Variants in RSPO2 observed in about 807,000 individuals in gnomAD.
RSPO2 encodes the protein R-spondin-2.
Under a neutral mutation model 30.9 loss-of-function variants are expected in RSPO2, and 14 were observed. The observed-to-expected ratio is 0.45, with a 90% CI of 0.30 to 0.71. RSPO2 has a LOEUF of 0.71. Among genes scored for constraint, RSPO2 ranks in the 30% least tolerant of loss-of-function variants. The probability of loss-of-function intolerance (pLI) is 0.08; values close to 1 mark genes in which losing one functional copy is unlikely to be tolerated. For synonymous variants in RSPO2, 107 were observed against 96.4 expected (o/e 1.11, Z -0.64); for missense variants, 264 against 301.9 (o/e 0.87, Z 0.93).
chr8:108,040,748 G>A (rs1220100076), intron 2 of RSPO2, among the ~76,000 whole-genome samples: 3 of 152,118 alleles, frequency 2.0e-5, no homozygotes, highest in Admixed American at 1.3e-4. Flanking sequence ...CAATAATCAT[G>A]GCTAAAATAT....
intron 3 of RSPO2, among the ~76,000 whole-genome samples, chr8:107,979,855 A>G (rs552797686): frequency 6.6e-6 from 1 of 152,226 alleles, no homozygotes; most frequent in East Asian, 1.9e-4. Flanking sequence ...GATTACAGCA[A>G]CAGCTTCCTA....
intron 5 of RSPO2, among the ~76,000 whole-genome samples, chr8:107,918,485 A>C (rs138743782): frequency 5.1e-4 from 77 of 152,246 alleles, no homozygotes; most frequent in African/African-American, 1.8e-3. Context: ...ATCTGGCCTC[A>C]TATCTTGTCT....
At chr8:107,935,300 G>GAT (rs1490759057) in intron 5 of RSPO2, among the ~76,000 whole-genome samples, 1 of 152,096 alleles carries the variant, frequency 6.6e-6, no homozygotes, top group East Asian at 1.9e-4. Flanking sequence ...TTTTTCAGAA[G>GAT]ATATATATTA....
At chr8:107,980,322 C>A (rs1814380753) in intron 3 of RSPO2, among the ~76,000 whole-genome samples, 1 of 152,104 alleles carries the variant, frequency 6.6e-6, no homozygotes, top group African/African-American at 2.4e-5. Flanking sequence ...GCTAAGCCAT[C>A]CCCTAAATTA....
At chr8:108,054,842 G>C (rs1421743110) in intron 2 of RSPO2, among the ~76,000 whole-genome samples, 1 of 152,170 alleles carries the variant, frequency 6.6e-6, no homozygotes, top group Non-Finnish European at 1.5e-5. Context: ...GGCTGGGCAG[G>C]GTGGCTCATG....
intron 2 of RSPO2, among the ~76,000 whole-genome samples, chr8:108,061,060 G>A (rs972366308): frequency 1.3e-5 from 2 of 151,814 alleles, no homozygotes; most frequent in Admixed American, 6.6e-5. Flanking sequence ...GGAATAACCA[G>A]TACCAGCCAC....
intron 2 of RSPO2, among the ~76,000 whole-genome samples, chr8:108,055,538 G>A (rs1400563626): frequency 6.6e-6 from 1 of 152,190 alleles, no homozygotes; most frequent in African/African-American, 2.4e-5. Flanking sequence ...GGAAGATGGT[G>A]ACATCCTGGC....
Position 107,988,863 on chromosome 8 carries a change from A to G in RSPO2, c.283+193T>C, listed in dbSNP as rs139676443. 7.0e-4 allele frequency among the ~76,000 whole-genome samples: 107 copies of G among 152,228 alleles called. No individual in the cohort carries two copies. In the East Asian group the frequency reaches 0.01, roughly 14 times the overall value. ...GACTGGTCTCCAACTCCTGGCCTCAAGTGATCCACCTACCTTGGCCTCCCA... is the reference window on the plus strand; with the variant it reads ...GACTGGTCTCCAACTCCTGGCCTCAGGTGATCCACCTACCTTGGCCTCCCA... On this transcript the variant is annotated intron_variant, in intron 3 of 5. Coordinates refer to ENST00000276659, the MANE Select transcript of RSPO2 (RefSeq NM_178565.5).
chr8:107,921,763 A>T lies in RSPO2; in HGVS notation c.617-20573T>A, dbSNP rs536729400. ...TCAAACAGCTTATCCACCATGATCA[A>T]GTAGCTTTTATCATTGGGATGCAAG... is the stretch of plus-strand genomic sequence containing the variant. On this transcript the variant is annotated intron_variant, in intron 5 of 5. Transcript: ENST00000276659. 2.6e-5 allele frequency among the ~76,000 whole-genome samples: 4 copies of T among 152,328 alleles called. No individual in the cohort carries two copies. The East Asian group carries it at 7.7e-4, about 29-fold the overall frequency.
At chr8:107,995,160 TG>T (rs1319106282) in intron 2 of RSPO2, among the ~76,000 whole-genome samples, 1 of 152,170 alleles carries the variant, frequency 6.6e-6, no homozygotes, top group African/African-American at 2.4e-5. Context: ...TTCTATCAAC[TG>T]TTCTCTTTTA....
intron 2 of RSPO2, among the ~76,000 whole-genome samples, chr8:108,080,932 G>T (rs1813174093): frequency 6.6e-6 from 1 of 152,146 alleles, no homozygotes; most frequent in Admixed American, 6.5e-5. Context: ...ATACTCGAAA[G>T]AAAGTACTGG....
At chr8:107,950,911 C>G (rs1490690603) in intron 5 of RSPO2, among the ~76,000 whole-genome samples, 1 of 152,084 alleles carries the variant, frequency 6.6e-6, no homozygotes, top group East Asian at 1.9e-4. Flanking sequence ...GATATCTACA[C>G]ATACAGCTCT....
chr8:108,012,318 T>C (rs1480581112), intron 2 of RSPO2, among the ~76,000 whole-genome samples: 26 of 152,160 alleles, frequency 1.7e-4, no homozygotes, highest in Admixed American at 1.7e-3. Context: ...ATCCCACACC[T>C]TGTGTATTGC....
intron 2 of RSPO2, among the ~76,000 whole-genome samples, chr8:108,034,768 T>C (rs1586646008): frequency 6.6e-6 from 1 of 150,968 alleles, no homozygotes; most frequent in Non-Finnish European, 1.5e-5. Context: ...AGCTACGTGA[T>C]AATCAAATTG....
At chr8:108,065,659 TAA>T (rs57299718) in intron 2 of RSPO2, among the ~76,000 whole-genome samples, 27,792 of 117,018 alleles carry the variant, frequency 0.24, 2,777 homozygotes, top group East Asian at 0.47. Flanking sequence ...GCAGAAGGAA[TAA>T]AAAAAAAAAA....
At chr8:107,937,830 T>C (rs1812769205) in intron 5 of RSPO2, among the ~76,000 whole-genome samples, 2 of 152,120 alleles carry the variant, frequency 1.3e-5, no homozygotes, top group South Asian at 2.1e-4. Context: ...AGTAACTGGA[T>C]GCTTCACCAA....
intron 5 of RSPO2, among the ~76,000 whole-genome samples, chr8:107,905,130 T>A (rs1384249683): frequency 6.6e-6 from 1 of 152,074 alleles, no homozygotes; most frequent in Non-Finnish European, 1.5e-5. Context: ...GATTTCATTC[T>A]TTCATAAACT....
chr8:107,957,935 A>G (rs1048198461), intron 5 of RSPO2, 145 bp downstream of exon 5: 1 of 559,252 alleles, frequency 1.8e-6, no homozygotes, highest in Non-Finnish European at 3.1e-6. Context: ...TTGTTTTTAA[A>G]TAAGTACAAC....
At chr8:107,947,978 T>G (rs1393475566) in intron 5 of RSPO2, among the ~76,000 whole-genome samples, 14 of 152,234 alleles carry the variant, frequency 9.2e-5, no homozygotes, top group Admixed American at 1.3e-4. Context: ...TGATCTCCCT[T>G]TTTAAACATG....
Sources: gnomAD v4.1 joint callset for allele counts (sites outside exome capture counted in the v4.1 genomes callset) on GRCh38, gnomAD v4.1.1 for gene constraint, MANE v1.5 for transcripts, NCBI Gene and HGNC (gene_info 2026-07-23, HGNC 2026-07-21) for gene names.